PVT1: variants seen among roughly 807,000 people sequenced by gnomAD.
PVT1 encodes CXCR4/PVT1 fusion.
At chr8:127,924,039 T>TGAA in intron 3 of PVT1, among the ~76,000 whole-genome samples, 1 of 152,328 alleles carries the variant, frequency 6.6e-6, no homozygotes, top group East Asian at 1.9e-4. Flanking sequence ...GGCATGGTGT[T>TGAA]GGAGGCCGGG....
At chr8:127,839,573 T>A (rs1261590105) in intron 2 of PVT1, among the ~76,000 whole-genome samples, 50 of 120,670 alleles carry the variant, frequency 4.1e-4, no homozygotes, top group African/African-American at 5.7e-4. Context: ...AAAAAAAAAA[T>A]GAAAAAAAAA....
intron 4 of PVT1, among the ~76,000 whole-genome samples, chr8:128,059,412 T>G (rs1171425337): frequency 6.6e-6 from 1 of 152,190 alleles, no homozygotes; most frequent in Non-Finnish European, 1.5e-5. Flanking sequence ...CCACTGTATT[T>G]GTACAATCCT....
chr8:127,943,452 C>T (rs1254317308), intron 3 of PVT1, among the ~76,000 whole-genome samples: 1 of 152,164 alleles, frequency 6.6e-6, no homozygotes, highest in Admixed American at 6.5e-5. Context: ...ATTGCAAAGA[C>T]ATAGGTAGGG....
chr8:128,011,620 C>T (rs373019236), intron 4 of PVT1, among the ~76,000 whole-genome samples: 6 of 152,294 alleles, frequency 3.9e-5, no homozygotes, highest in African/African-American at 1.4e-4. Context: ...CAGTCTGGTG[C>T]AGTCTATTAT....
At chr8:128,052,274 A>G (rs937909343) in intron 4 of PVT1, among the ~76,000 whole-genome samples, 3 of 151,828 alleles carry the variant, frequency 2.0e-5, no homozygotes, top group African/African-American at 7.3e-5. Flanking sequence ...TGTCTGTAGC[A>G]TGCGTCTGTG....
chr8:127,936,656 G>A (rs959146094), intron 3 of PVT1, among the ~76,000 whole-genome samples: 1 of 152,232 alleles, frequency 6.6e-6, no homozygotes, highest in Non-Finnish European at 1.5e-5. Flanking sequence ...AACAAAGGCA[G>A]TAGGCACTGC....
chr8:128,070,901 G>C (rs1386051090), intron 5 of PVT1, among the ~76,000 whole-genome samples: 3 of 152,182 alleles, frequency 2.0e-5, no homozygotes, highest in Non-Finnish European at 4.4e-5. Context: ...AAGAAGAAGA[G>C]ACCAGTGGCT....
intron 3 of PVT1, among the ~76,000 whole-genome samples, chr8:127,921,749 G>A (rs1159756506): frequency 6.7e-6 from 1 of 150,022 alleles, no homozygotes; most frequent in African/African-American, 2.5e-5. Context: ...GGAGGCAGAG[G>A]TTGCAGTGAG....
intron 2 of PVT1, among the ~76,000 whole-genome samples, chr8:127,824,031 A>G (rs1251339565): frequency 1.3e-5 from 2 of 152,132 alleles, no homozygotes; most frequent in African/African-American, 2.4e-5. Flanking sequence ...TGTCTCTACA[A>G]AACATTAAAA....
intron 5 of PVT1, among the ~76,000 whole-genome samples, chr8:128,081,580 T>C (rs575829537): frequency 6.6e-6 from 1 of 152,360 alleles, no homozygotes; most frequent in East Asian, 1.9e-4. Flanking sequence ...TTCTGGCTAA[T>C]GTTATTAAAT....
intron 4 of PVT1, among the ~76,000 whole-genome samples, chr8:128,068,084 C>A (rs1475059377): frequency 1.3e-5 from 2 of 151,974 alleles, no homozygotes; most frequent in African/African-American, 4.8e-5. Flanking sequence ...TCTGCTTGGC[C>A]TCTTGCCCCC....
chr8:127,949,505 C>T (rs1478483169), intron 3 of PVT1, among the ~76,000 whole-genome samples: 1 of 151,460 alleles, frequency 6.6e-6, no homozygotes, highest in African/African-American at 2.4e-5. Flanking sequence ...CTCAGCCTCC[C>T]TTCACTGCCA....
chr8:127,980,353 C>T (rs1026675873), intron 3 of PVT1, among the ~76,000 whole-genome samples: 4 of 152,112 alleles, frequency 2.6e-5, no homozygotes, highest in Admixed American at 6.5e-5. Flanking sequence ...ACTACCCTTA[C>T]GGAGGTTATA....
chr8:127,894,940 A>G (rs1586425591), intron 3 of PVT1, among the ~76,000 whole-genome samples: 1 of 152,216 alleles, frequency 6.6e-6, no homozygotes, highest in Non-Finnish European at 1.5e-5. Flanking sequence ...CTGAAGCTAG[A>G]TTGAAAACAA....
At chr8:127,880,466 T>C (rs1215444476) in intron 2 of PVT1, among the ~76,000 whole-genome samples, 1 of 151,600 alleles carries the variant, frequency 6.6e-6, no homozygotes, top group Non-Finnish European at 1.5e-5. Flanking sequence ...ATTTTTTTTT[T>C]TTTGTATTTT....
At chr8:127,890,576 T>C (rs1043298900) in intron 2 of PVT1, 9 of 152,292 alleles carry the variant, frequency 5.9e-5, no homozygotes, top group African/African-American at 2.2e-4. Context: ...TTTTTTCTTC[T>C]TCCCTGTTGC....
At chr8:128,052,926 A>G (rs1170208270) in intron 4 of PVT1, among the ~76,000 whole-genome samples, 1 of 152,258 alleles carries the variant, frequency 6.6e-6, no homozygotes, top group African/African-American at 2.4e-5. Flanking sequence ...TAAAACCAGG[A>G]TTTTAAACCT....
chr8:127,868,795 A>G (rs866182316), intron 2 of PVT1, among the ~76,000 whole-genome samples: 230 of 54,990 alleles, frequency 4.2e-3, no homozygotes, highest in Middle Eastern at 9.8e-3. Flanking sequence ...ATATATATAC[A>G]TATATATGTA....
At chr8:127,962,025 A>G (rs1308384356) in intron 3 of PVT1, among the ~76,000 whole-genome samples, 1 of 152,172 alleles carries the variant, frequency 6.6e-6, no homozygotes, top group African/African-American at 2.4e-5. Context: ...CCTAGGCTGG[A>G]GTGCAGTGGC....
Sources: allele counts gnomAD v4.1 joint callset (sites outside exome capture counted in the v4.1 genomes callset), GRCh38; gene constraint gnomAD v4.1.1; transcripts MANE v1.5; gene names NCBI Gene and HGNC (gene_info 2026-07-23, HGNC 2026-07-21).